The following AKIRIN1 variants were observed in gnomAD, a reference collection of about 807,000 sequenced individuals.
AKIRIN1 encodes akirin-1.
Under a neutral mutation model 25.9 loss-of-function variants are expected in AKIRIN1, and 4 were observed. The ratio of observed to expected loss-of-function variants is 0.15; its 90% confidence interval spans 0.08 to 0.35. The LOEUF (loss-of-function observed/expected upper bound fraction) is 0.35, where lower values mean the gene tolerates loss of function less well. Ranked by LOEUF, AKIRIN1 falls within the 10% of genes least tolerant of loss-of-function variation. The pLI, the probability that AKIRIN1 is intolerant of heterozygous loss-of-function variation, is 1.00. For synonymous variants in AKIRIN1, 125 were observed against 105.1 expected, an observed-to-expected ratio of 1.19 and a Z score of -1.16; for missense variants, 243 against 266.1, an observed-to-expected ratio of 0.91 and a Z score of 0.61.
intron 2 of AKIRIN1, among the ~76,000 whole-genome samples, chr1:38,999,293 T>G (rs560177908): frequency 6.6e-6 from 1 of 152,330 alleles, no homozygotes; most frequent in African/African-American, 2.4e-5. Flanking sequence ...AAATATAAAC[T>G]GGGGTTTGCC....
Position 39,004,426 on chromosome 1 carries a change from G to A in AKIRIN1, c.*371G>A, listed in dbSNP as rs1002654594. 3 of 318,006 alleles carry A rather than the reference G, an allele frequency of 9.4e-6. No individual in the cohort carries two copies. The highest frequency in any genetic ancestry group is 6.5e-5 in the African/African-American group (3 of 45,854). 19.7% of individuals were successfully genotyped at this position (318,006 alleles called of 1,614,324 possible). The stretch of plus-strand genomic sequence containing the variant: ...GTATATGTGTGTATGTGTATTTTAA[G>A]TTATTATTTGTATTGTGCAAAAATT... On this transcript the variant is annotated 3_prime_UTR_variant, in exon 5 of 5. Coordinates refer to ENST00000432648, the MANE Select transcript of AKIRIN1 (RefSeq NM_024595.3).
intron 1 of AKIRIN1, among the ~76,000 whole-genome samples, chr1:38,997,187 T>C (rs1643954257): frequency 6.6e-6 from 1 of 152,216 alleles, no homozygotes; most frequent in African/African-American, 2.4e-5. Flanking sequence ...GTATCTCTTT[T>C]TTTAAATTAG....
At chr1:38,993,146 A>G (rs1380312346) in intron 1 of AKIRIN1, among the ~76,000 whole-genome samples, 3 of 152,268 alleles carry the variant, frequency 2.0e-5, no homozygotes, top group Non-Finnish European at 4.4e-5. Flanking sequence ...ATAGTTGCAA[A>G]AAGTATTTTG....
At chr1:38,998,049 C>CT (rs1461420275) in intron 1 of AKIRIN1, 122 bp from the exon 2 acceptor site, 3 of 1,101,020 alleles carry the variant, frequency 2.7e-6, no homozygotes, top group Non-Finnish European at 2.5e-6. Context: ...AGATTGAGAC[C>CT]TACATGCCAA....
Position 39,004,407 on chromosome 1 carries a change from G to A in AKIRIN1, c.*352G>A. The A allele has an allele frequency of 2.6e-6, 1 of 389,934 alleles. No homozygotes were observed. Among genetic ancestry groups the A allele is most frequent in the East Asian group, 5.6e-5 (1 of 17,924 alleles). 24.2% of individuals were successfully genotyped at this position (389,934 alleles called of 1,614,324 possible). ...AGTGCGTGTGAGAGTGTGTGTATAT[G>A]TGTGTATGTGTATTTTAAGTTATTA... is the stretch of plus-strand genomic sequence containing the variant. On this transcript the variant is annotated 3_prime_UTR_variant, in exon 5 of 5. Transcript: ENST00000432648.
chr1:39,003,858 A>T (rs1557643973), intron 4 of AKIRIN1, among the ~76,000 whole-genome samples, 187 bp from the exon 5 acceptor site: 1 of 152,228 alleles, frequency 6.6e-6, no homozygotes, highest in East Asian at 1.9e-4. Flanking sequence ...AAAGCATAAA[A>T]TATTAACAGT....
rs530485581 is a variant in AKIRIN1 at position 39,000,858 on chromosome 1, G to C, written c.362-114G>C. On this transcript the variant is annotated intron_variant, in intron 2 of 4. Transcript: ENST00000432648. The stretch of plus-strand genomic sequence containing the variant: ...TTTAGTAGAGACTGGGTTTCTCCAC[G>C]TTGTCAGGCTGGTCTCCACCTCAGA... 6.9e-4 allele frequency: 830 copies of C among 1,199,110 alleles called. 13 individuals are homozygous for C. The South Asian group carries it at 8.7e-3, about 13-fold the overall frequency. The allele number at this position is 1,199,110 out of a possible 1,614,324, so 74.3% of individuals were successfully genotyped here. A position where few individuals can be genotyped will look rare whatever the true frequency, so the allele number is the denominator to read the frequency against.
chr1:39,001,018 A>C lies in AKIRIN1; in HGVS notation c.408A>C (p.Gln136His). ...ACCAGCCCACATTTACCCTCCGACA[A>C]GTTGGCATAATATGTGAGCGCCTCT... is the stretch of plus-strand genomic sequence containing the variant. ...KKDQPTFTLR[Q>H]VGIICERLLK... The change falls in exon 3 of 5, where the codon CAA becomes CAC. Residue 136 changes from glutamine (Q) to histidine (H), a missense_variant. Gln to His is a conservative substitution (Grantham distance 24). Transcript: ENST00000432648. The C allele has an allele frequency of 6.2e-7, 1 of 1,613,842 alleles. No homozygotes were observed. Among genetic ancestry groups the C allele is most frequent in the Non-Finnish European group, 8.5e-7 (1 of 1,179,902 alleles).
intron 1 of AKIRIN1, among the ~76,000 whole-genome samples, chr1:38,993,172 T>C (rs1643922010): frequency 6.6e-6 from 1 of 152,212 alleles, no homozygotes; most frequent in Admixed American, 6.5e-5. Context: ...TATAAAGTGA[T>C]GGGTTTAATG....
chr1:38,999,245 G>C (rs1207102979), intron 2 of AKIRIN1, among the ~76,000 whole-genome samples: 1 of 152,158 alleles, frequency 6.6e-6, no homozygotes, highest in African/African-American at 2.4e-5. Flanking sequence ...CAGTTCTAAA[G>C]GTTAAAAGTT....
intron 3 of AKIRIN1, among the ~76,000 whole-genome samples, chr1:39,002,765 C>T (rs1644004041): frequency 6.6e-6 from 1 of 152,086 alleles, no homozygotes; most frequent in Non-Finnish European, 1.5e-5. Flanking sequence ...ATATCATTCC[C>T]TCTCCCACTC....
At chr1:38,996,687 G>A (rs905849737) in intron 1 of AKIRIN1, among the ~76,000 whole-genome samples, 2 of 151,928 alleles carry the variant, frequency 1.3e-5, no homozygotes, top group South Asian at 2.1e-4. Context: ...GTGCCACCAC[G>A]CCTGGCTAAA....
chr1:39,003,018 C>G (rs1299896970), intron 3 of AKIRIN1, among the ~76,000 whole-genome samples: 1 of 152,116 alleles, frequency 6.6e-6, no homozygotes, highest in Non-Finnish European at 1.5e-5. Context: ...GATTCATGTC[C>G]CATGGGAGAT....
chr1:38,993,068 CTT>C lies in AKIRIN1; in HGVS notation c.220+1472_220+1473del, dbSNP rs1187061460. 2.0e-5 allele frequency among the ~76,000 whole-genome samples: 3 copies of C among 152,214 alleles called. No homozygotes were observed. The East Asian group carries it at 5.8e-4, about 29-fold the overall frequency. ...CAGATACCTAAAGATAGTCCATAAT[CTT>C]TTTGGGTCTCACTTCTGCAAATTGG... On this transcript the variant is annotated intron_variant, in intron 1 of 4. Coordinates refer to ENST00000432648, the MANE Select transcript of AKIRIN1 (RefSeq NM_024595.3).
intron 3 of AKIRIN1, among the ~76,000 whole-genome samples, chr1:39,001,871 A>ATTGTCG (rs34662933): frequency 5.1e-4 from 1 of 1,946 alleles, no homozygotes; most frequent in African/African-American, 2.2e-3. Context: ...AGAGTTCAGT[A>ATTGTCG]ACATATTCAA....
intron 1 of AKIRIN1, among the ~76,000 whole-genome samples, chr1:38,994,560 T>C (rs1643932685): frequency 1.3e-5 from 2 of 151,706 alleles, no homozygotes; most frequent in African/African-American, 4.8e-5. Flanking sequence ...GGCTGGAGTG[T>C]AGTGGCACGA....
Position 39,004,059 on chromosome 1 carries a change from T to C in AKIRIN1, c.*4T>C, listed in dbSNP as rs1644014789. 6.2e-7 allele frequency: 1 copy of C among 1,611,476 alleles called. No individual in the cohort carries two copies. The highest frequency in any genetic ancestry group is 8.5e-7 in the Non-Finnish European group (1 of 1,177,698). On this transcript the variant is annotated 3_prime_UTR_variant, in exon 5 of 5. Coordinates refer to ENST00000432648, the MANE Select transcript of AKIRIN1 (RefSeq NM_024595.3). ...TTAATTTACAGATGTGTCATGAAGC[T>C]TTGTCACATATCTGGGTACCAGGTT...
chr1:38,995,996 T>G (rs961402944), intron 1 of AKIRIN1, among the ~76,000 whole-genome samples: 1 of 152,224 alleles, frequency 6.6e-6, no homozygotes, highest in Admixed American at 6.5e-5. Flanking sequence ...ATTGTGCTAT[T>G]GCACTACAGC....
intron 1 of AKIRIN1, among the ~76,000 whole-genome samples, chr1:38,997,047 C>G (rs568003584): frequency 6.6e-6 from 1 of 151,710 alleles, no homozygotes; most frequent in African/African-American, 2.4e-5. Context: ...TGAATAACTT[C>G]TCAAGGTTAT....
Sources: gnomAD v4.1 joint callset for allele counts (sites outside exome capture counted in the v4.1 genomes callset) on GRCh38, gnomAD v4.1.1 for gene constraint, MANE v1.5 for transcripts, NCBI Gene and HGNC (gene_info 2026-07-23, HGNC 2026-07-21) for gene names.